The following BUD31 variants were observed in gnomAD, a reference collection of about 807,000 sequenced individuals.
The protein encoded by BUD31 is BUD31 spliceosome associated protein, also known as protein BUD31 homolog.
In BUD31, 9 loss-of-function variants were observed where a neutral mutation model predicts 17.9. The ratio of observed to expected loss-of-function variants is 0.50; its 90% confidence interval spans 0.30 to 0.88. BUD31 has a LOEUF of 0.88. Ranked by LOEUF, BUD31 falls within the 40% of genes least tolerant of loss-of-function variation. BUD31 has a pLI of 0.06. For missense variants in BUD31, 148 were observed against 184.5 expected (o/e 0.80, Z 1.15); for synonymous variants, 70 against 64.7 (o/e 1.08, Z -0.39).
At position 99,416,144 on chromosome 7, in the gene BUD31, CAG is replaced by C. The variant is rs1336261465; in HGVS notation, c.103_104del (p.Glu35ThrfsTer3). ...ACTCTTTGTTTCTCCCCAGCTGAAA[CAG>C]AACCGCATGAGGGAAAGAGGAAAGT... On this transcript the variant is annotated frameshift_variant, in exon 4 of 6. Coordinates refer to ENST00000222969, the MANE Select transcript of BUD31 (RefSeq NM_003910.4). LOFTEE classifies it high-confidence loss of function. 1 of 1,613,466 alleles carries C rather than the reference CAG, an allele frequency of 6.2e-7. No individual in the cohort carries two copies. Among genetic ancestry groups the C allele is most frequent in the Non-Finnish European group, 8.5e-7 (1 of 1,179,646 alleles).
chr7:99,411,849 G>A (rs1795202084), intron 3 of BUD31: 1 of 382,072 alleles, frequency 2.6e-6, no homozygotes, highest in African/African-American at 2.1e-5. Flanking sequence ...TTGGATTACA[G>A]GCATGCGCCA....
At chr7:99,414,313 A>T (rs1795302290) in intron 3 of BUD31, among the ~76,000 whole-genome samples, 1 of 151,718 alleles carries the variant, frequency 6.6e-6, no homozygotes, top group Admixed American at 6.6e-5. Context: ...CTAATTTTTT[A>T]ATTTTTAGTA....
At chr7:99,416,093 C>T in intron 3 of BUD31, 45 bp from the exon 4 acceptor site, 2 of 1,603,770 alleles carry the variant, frequency 1.2e-6, no homozygotes, top group East Asian at 2.2e-5. Context: ...AAATCCTGCG[C>T]AGACCGACCC....
At chr7:99,417,349 G>A (rs549223303) in intron 4 of BUD31, 80 bp from the exon 5 acceptor site, 58 of 1,469,976 alleles carry the variant, frequency 3.9e-5, no homozygotes, top group South Asian at 2.4e-4. Context: ...CACTGCACCC[G>A]GCCTGAATGC....
At chr7:99,412,568 A>C (rs2150921178) in intron 3 of BUD31, among the ~76,000 whole-genome samples, 1 of 151,866 alleles carries the variant, frequency 6.6e-6, no homozygotes, top group African/African-American at 2.4e-5. Flanking sequence ...AGCTGGGACT[A>C]CAGGCATCCA....
In BUD31 at chr7:99,410,931, GTC is replaced by G. The variant is rs1169619180; in HGVS notation, c.-29-131_-29-130del. Reference sequence around the variant, plus strand: ...GTAGCAGAGCCAGGATTTGAACACAGTCTGGGTGCTGAGCCCTGTCCCATAGC... The same window carrying G: ...GTAGCAGAGCCAGGATTTGAACACAGTGGGTGCTGAGCCCTGTCCCATAGC... On this transcript the variant is annotated intron_variant, in intron 2 of 5. Transcript: ENST00000222969. 13 of 615,088 alleles carry G rather than the reference GTC, an allele frequency of 2.1e-5. No homozygotes were observed. In the East Asian group the frequency reaches 3.6e-4, roughly 17 times the overall value. 38.1% of individuals were successfully genotyped at this position (615,088 alleles called of 1,614,324 possible). A position where few individuals can be genotyped will look rare whatever the true frequency, so the allele number is the denominator to read the frequency against.
intron 3 of BUD31, among the ~76,000 whole-genome samples, chr7:99,411,462 T>G (rs890963083): frequency 2.6e-5 from 4 of 152,186 alleles, no homozygotes; most frequent in African/African-American, 9.6e-5. Context: ...CTACCTATAG[T>G]TATTTACTAT....
At chr7:99,419,162 A>C (rs1040366072) in intron 5 of BUD31, 1 of 571,308 alleles carries the variant, frequency 1.8e-6, no homozygotes, top group Non-Finnish European at 3.1e-6. Context: ...GGATTTGCAG[A>C]ACATATTATA....
In BUD31 at chr7:99,419,499, C is replaced by T. The variant is rs1378296453; in HGVS notation, c.*58C>T. ...CGCAGGTTCCTGCCTGTCACGCCAC[C>T]CCCTTCCTGGGAGCAGCGAGCAGTG... On this transcript the variant is annotated 3_prime_UTR_variant, in exon 6 of 6. Transcript: ENST00000222969. 3 of 1,595,434 alleles carry T rather than the reference C, an allele frequency of 1.9e-6. No individual in the cohort carries two copies. Among genetic ancestry groups the T allele is most frequent in the Non-Finnish European group, 2.6e-6 (3 of 1,170,428 alleles).
chr7:99,409,446 C>T (rs1302571291), intron 1 of BUD31, among the ~76,000 whole-genome samples: 1 of 152,134 alleles, frequency 6.6e-6, no homozygotes, highest in Non-Finnish European at 1.5e-5. Context: ...TCTCCTCGAT[C>T]TGGTTACCGC....
At chr7:99,417,086 T>G in intron 4 of BUD31, 1 of 228,426 alleles carries the variant, frequency 4.4e-6, no homozygotes, top group Non-Finnish European at 8.8e-6. Context: ...TGAGATGGAG[T>G]TTCGCTGTCA....
At chr7:99,412,342 T>C (rs75467300) in intron 3 of BUD31, among the ~76,000 whole-genome samples, 3,068 of 152,360 alleles carry the variant, frequency 0.02, 55 homozygotes, top group Non-Finnish European at 0.035. Flanking sequence ...CTTCATCTTC[T>C]AAAGGGTGAC....
chr7:99,419,105 A>G (rs1020893293), intron 5 of BUD31: 4 of 490,788 alleles, frequency 8.2e-6, no homozygotes, highest in Non-Finnish European at 1.5e-5. Flanking sequence ...CAGAATAACG[A>G]GACTCATTCA....
chr7:99,412,682 G>A (rs1449994887), intron 3 of BUD31, among the ~76,000 whole-genome samples: 8 of 149,958 alleles, frequency 5.3e-5, no homozygotes, highest in South Asian at 2.1e-4. Flanking sequence ...CGCGATCTCC[G>A]CTCACTGCAA....
In BUD31 at chr7:99,417,581, AG is replaced by A. The variant is rs1221341153; in HGVS notation, c.371del (p.Ser124ThrfsTer72). 1 of 1,612,422 alleles carries A rather than the reference AG, an allele frequency of 6.2e-7. No individual in the cohort carries two copies. The highest frequency in any genetic ancestry group is 1.7e-5 in the Admixed American group (1 of 60,016). On this transcript the variant is annotated frameshift_variant, in exon 5 of 6. Transcript: ENST00000222969. LOFTEE classifies it high-confidence loss of function. Reference protein sequence around the residue: ...GTNCICRVPKSKLEVGRIIEC... With the variant: ...GTNCICRVPKXKLEVGRIIEC... Reference sequence around the variant, plus strand: ...GAACTGCATCTGCCGCGTGCCCAAAAGCAAGCTGGAAGTGGTAATGTCTGAC... The same window carrying A: ...GAACTGCATCTGCCGCGTGCCCAAAACAAGCTGGAAGTGGTAATGTCTGAC...
Position 99,419,552 on chromosome 7 carries a change from C to T in BUD31, c.*111C>T, listed in dbSNP as rs1281036075. 9 of 1,269,688 alleles carry T rather than the reference C, an allele frequency of 7.1e-6. No homozygotes were observed. The highest frequency in any genetic ancestry group is 9.0e-6 in the Non-Finnish European group (8 of 886,760). 78.7% of individuals were successfully genotyped at this position (1,269,688 alleles called of 1,614,324 possible). Reference sequence around the variant, plus strand: ...CCAGGCCCGAGTTGGAGCACGGTCTCTATGGGGAAGGCTTCGCTGTCTATC... The same window carrying T: ...CCAGGCCCGAGTTGGAGCACGGTCTTTATGGGGAAGGCTTCGCTGTCTATC... On this transcript the variant is annotated 3_prime_UTR_variant, in exon 6 of 6. Transcript: ENST00000222969.
In BUD31 at chr7:99,417,537, G is replaced by A. The variant is rs938662170; in HGVS notation, c.326G>A (p.Arg109Gln). The A allele has an allele frequency of 3.1e-6, 5 of 1,611,832 alleles. No homozygotes were observed. Among genetic ancestry groups the A allele is most frequent in the African/African-American group, 1.3e-5 (1 of 74,898 alleles). The change falls in exon 5 of 6, where the codon CGG becomes CAG. Residue 109 changes from arginine to glutamine, a missense_variant. By Grantham distance (43) the Arg-to-Gln change is conservative. Transcript: ENST00000222969. ...NLCCLRCIQT[R>Q]DTNFGTNCIC... The stretch of plus-strand genomic sequence containing the variant: ...TGCTGCCTGCGGTGCATTCAGACAC[G>A]GGACACCAACTTCGGGACGAACTGC...
At chr7:99,419,025 G>GC (rs1421425686) in intron 5 of BUD31, 1 of 272,202 alleles carries the variant, frequency 3.7e-6, no homozygotes, top group Non-Finnish European at 7.2e-6. Flanking sequence ...CAGCCCAGAG[G>GC]CCCCCCTGAA....
chr7:99,412,634 C>T (rs201131356), intron 3 of BUD31, among the ~76,000 whole-genome samples: 1 of 148,308 alleles, frequency 6.7e-6, no homozygotes, highest in East Asian at 2.0e-4. Context: ...TTTTTTGAGA[C>T]GGAGTCTCGC....
Sources: allele counts gnomAD v4.1 joint callset (sites outside exome capture counted in the v4.1 genomes callset), GRCh38; gene constraint gnomAD v4.1.1; transcripts MANE v1.5; gene names NCBI Gene and HGNC (gene_info 2026-07-23, HGNC 2026-07-21).